Variants in PRP4K observed in about 807,000 individuals in gnomAD.
PRP4K encodes pre-mRNA processing factor kinase PRP4K.
At chr6:4,034,861 C>T in the PRP4K span, among the ~76,000 whole-genome samples, 1 of 151,114 alleles carries the variant, frequency 6.6e-6, no homozygotes, top group Non-Finnish European at 1.5e-5. Flanking sequence ...TACAGACACG[C>T]ACCACCATGC....
the PRP4K span, chr6:4,040,658 C>T: frequency 1.7e-6 from 2 of 1,171,306 alleles, no homozygotes; most frequent in Non-Finnish European, 2.4e-6. Flanking sequence ...TTTAGGTTTA[C>T]AGCAAAATTG....
the PRP4K span, chr6:4,047,135 T>C: frequency 1.8e-4 from 275 of 1,527,518 alleles, no homozygotes; most frequent in Non-Finnish European, 2.4e-4. Flanking sequence ...TTTTAAATCA[T>C]CTCTTCACTT....
At chr6:4,039,935 C>G in the PRP4K span, among the ~76,000 whole-genome samples, 1 of 147,878 alleles carries the variant, frequency 6.8e-6, no homozygotes, top group African/African-American at 2.5e-5. Context: ...GGATCTTGCT[C>G]TGTTACCCAG....
chr6:4,053,012 CT>C, the PRP4K span: 1 of 744,176 alleles, frequency 1.3e-6, no homozygotes, highest in Non-Finnish European at 1.9e-6. Flanking sequence ...ATGACTAATA[CT>C]TTTTTATCTT....
the PRP4K span, chr6:4,061,613 C>G: frequency 6.4e-4 from 98 of 152,586 alleles, no homozygotes; most frequent in African/African-American, 2.2e-3. Flanking sequence ...TTCATTTGTT[C>G]ATTGTTTTCA....
At chr6:4,040,811 G>A in the PRP4K span, 2 of 1,614,042 alleles carry the variant, frequency 1.2e-6, no homozygotes, top group Non-Finnish European at 1.7e-6. Flanking sequence ...TGCGAAGGCG[G>A]TCTCGATCAC....
the PRP4K span, among the ~76,000 whole-genome samples, chr6:4,024,455 TA>T: frequency 6.6e-6 from 1 of 152,226 alleles, no homozygotes; most frequent in African/African-American, 2.4e-5. Flanking sequence ...TTGTCTAGCT[TA>T]AAAACGGCTT....
chr6:4,058,511 A>G, the PRP4K span, among the ~76,000 whole-genome samples: 54 of 152,378 alleles, frequency 3.5e-4, no homozygotes, highest in African/African-American at 1.2e-3. Context: ...CACTGCCTGG[A>G]CAAATATAAT....
At chr6:4,032,376 G>C in the PRP4K span, 1 of 1,614,022 alleles carries the variant, frequency 6.2e-7, no homozygotes, top group African/African-American at 1.3e-5. Flanking sequence ...TAGAAGTCGC[G>C]ATCGAGGTAA....
chr6:4,049,114 C>A, the PRP4K span: 1 of 1,595,016 alleles, frequency 6.3e-7, no homozygotes, highest in South Asian at 1.1e-5. Flanking sequence ...ATCGTAAGTT[C>A]ACATTTTATA....
the PRP4K span, among the ~76,000 whole-genome samples, chr6:4,027,595 A>T: frequency 1.0e-3 from 19 of 18,876 alleles, no homozygotes; most frequent in South Asian, 0.068. Context: ...TATTTGGCGG[A>T]GGGGTGGGGG....
At chr6:4,031,279 C>T in the PRP4K span, among the ~76,000 whole-genome samples, 11 of 152,130 alleles carry the variant, frequency 7.2e-5, no homozygotes, top group African/African-American at 2.7e-4. Flanking sequence ...TTCCCTTTTT[C>T]TCTAACCTGT....
the PRP4K span, among the ~76,000 whole-genome samples, chr6:4,051,545 C>G: frequency 6.6e-6 from 1 of 151,856 alleles, no homozygotes; most frequent in Admixed American, 6.6e-5. Flanking sequence ...TTGAACTCCT[C>G]ACCTCAAGTG....
the PRP4K span, among the ~76,000 whole-genome samples, chr6:4,057,661 C>T: frequency 4.6e-5 from 7 of 152,138 alleles, no homozygotes; most frequent in African/African-American, 1.7e-4. Context: ...TTCTAACTCA[C>T]CGCTGATACT....
the PRP4K span, chr6:4,040,752 G>A: frequency 6.2e-7 from 1 of 1,609,760 alleles, no homozygotes; most frequent in Non-Finnish European, 8.5e-7. Flanking sequence ...ATGTATACCT[G>A]TCTTTTCTTC....
At chr6:4,029,012 CTTTTT>C in the PRP4K span, among the ~76,000 whole-genome samples, 2 of 132,484 alleles carry the variant, frequency 1.5e-5, no homozygotes, top group African/African-American at 2.8e-5. Context: ...TACTTGGAAT[CTTTTT>C]TTTTTTTTTT....
At chr6:4,064,398 C>G in the PRP4K span, 4 of 152,436 alleles carry the variant, frequency 2.6e-5, no homozygotes, top group South Asian at 6.2e-4. Context: ...AAGCAGAACT[C>G]TAGCTATATG....
At chr6:4,049,465 C>T in the PRP4K span, 6 of 475,228 alleles carry the variant, frequency 1.3e-5, 1 homozygote, top group Middle Eastern at 1.1e-3. Context: ...ATTTGTCATG[C>T]GGGACTACAA....
chr6:4,051,069 C>T, the PRP4K span, among the ~76,000 whole-genome samples: 1 of 151,596 alleles, frequency 6.6e-6, no homozygotes, highest in Admixed American at 6.6e-5. Context: ...ACCACCACGC[C>T]CAGCTAATTC....
Sources: allele counts gnomAD v4.1 joint callset (sites outside exome capture counted in the v4.1 genomes callset), GRCh38; gene constraint gnomAD v4.1.1; transcripts MANE v1.5; gene names NCBI Gene and HGNC (gene_info 2026-07-23, HGNC 2026-07-21).